ADAMTSL1: variants seen among roughly 807,000 people sequenced by gnomAD.
ADAMTSL1 encodes ADAMTS like 1.
ADAMTSL1 carries 126 observed loss-of-function variants against 201.8 expected under a neutral mutation model. That is an observed-to-expected ratio of 0.62 (90% CI 0.54 to 0.72). The LOEUF (loss-of-function observed/expected upper bound fraction) is 0.72, where lower values mean the gene tolerates loss of function less well. Among genes scored for constraint, ADAMTSL1 ranks in the 30% least tolerant of loss-of-function variants. The probability of loss-of-function intolerance (pLI) is 0.00; values close to 1 mark genes in which losing one functional copy is unlikely to be tolerated. For synonymous variants in ADAMTSL1, 1,121 were observed against 903.4 expected, an observed-to-expected ratio of 1.24 and a Z score of -4.32; for missense variants, 2,679 against 2,277.8, an observed-to-expected ratio of 1.18 and a Z score of -3.59.
chr9:18,353,276 T>TA (rs1836058403), intron 2 of ADAMTSL1, among the ~76,000 whole-genome samples: 1 of 152,236 alleles, frequency 6.6e-6, no homozygotes, highest in Non-Finnish European at 1.5e-5. Context: ...TCATAGCACT[T>TA]ACTATGCACT....
intron 1 of ADAMTSL1, among the ~76,000 whole-genome samples, chr9:18,074,388 G>A (rs1823101457): frequency 6.6e-6 from 1 of 152,150 alleles, no homozygotes. Flanking sequence ...TATGTTGTCT[G>A]TTCTCAGGTG....
At chr9:18,404,835 T>A (rs1818121940) in intron 2 of ADAMTSL1, among the ~76,000 whole-genome samples, 1 of 152,218 alleles carries the variant, frequency 6.6e-6, no homozygotes, top group African/African-American at 2.4e-5. Flanking sequence ...CTCCCTGGAA[T>A]GGAAAACAAT....
intron 1 of ADAMTSL1, among the ~76,000 whole-genome samples, chr9:18,040,253 C>T (rs903135496): frequency 1.3e-5 from 2 of 152,128 alleles, no homozygotes; most frequent in East Asian, 1.9e-4. Context: ...TTTCCCCAAC[C>T]CTTTCTGGAA....
chr9:18,268,806 T>A (rs1832240526), intron 2 of ADAMTSL1, among the ~76,000 whole-genome samples: 1 of 152,264 alleles, frequency 6.6e-6, no homozygotes, highest in Middle Eastern at 3.4e-3. Context: ...ATTCTTGAGA[T>A]TGGAAATAAA....
chr9:18,646,402 C>T (rs1438420986), intron 7 of ADAMTSL1, among the ~76,000 whole-genome samples: 3 of 151,840 alleles, frequency 2.0e-5, no homozygotes, highest in Non-Finnish European at 2.9e-5. Context: ...GCCTAATTGC[C>T]CTGGCCAGAA....
chr9:18,011,017 G>A (rs1586891511), intron 1 of ADAMTSL1, among the ~76,000 whole-genome samples: 1 of 151,684 alleles, frequency 6.6e-6, no homozygotes, highest in Non-Finnish European at 1.5e-5. Context: ...TGGCCCATGT[G>A]GCAAGTGAAA....
chr9:18,590,472 GT>G (rs34570847), intron 4 of ADAMTSL1, among the ~76,000 whole-genome samples: 20,181 of 151,556 alleles, frequency 0.13, 1,467 homozygotes, highest in African/African-American at 0.19. Context: ...TCAACTTTTC[GT>G]TTTGTTGACC....
chr9:18,223,293 G>A (rs10810932), intron 2 of ADAMTSL1, among the ~76,000 whole-genome samples: 32,074 of 151,882 alleles, frequency 0.21, 3,567 homozygotes, highest in Non-Finnish European at 0.26. Flanking sequence ...TGAAATGATC[G>A]ATCATTAAGA....
intron 1 of ADAMTSL1, among the ~76,000 whole-genome samples, chr9:17,911,028 C>T (rs528624824): frequency 7.3e-5 from 5 of 68,456 alleles, no homozygotes; most frequent in Admixed American, 1.8e-4. Context: ...GCTTTTGCTA[C>T]CCAAATGGAA....
At chr9:18,319,738 A>C (rs768256124) in intron 2 of ADAMTSL1, among the ~76,000 whole-genome samples, 1 of 152,164 alleles carries the variant, frequency 6.6e-6, no homozygotes, top group Non-Finnish European at 1.5e-5. Context: ...TCTCACCAGA[A>C]TAGAGTCTAT....
At chr9:18,558,720 G>C (rs924514661) in intron 3 of ADAMTSL1, among the ~76,000 whole-genome samples, 4 of 152,010 alleles carry the variant, frequency 2.6e-5, no homozygotes, top group African/African-American at 7.3e-5. Context: ...GCATGATATG[G>C]TATCTCATTA....
intron 1 of ADAMTSL1, among the ~76,000 whole-genome samples, chr9:17,915,693 C>G (rs1418531537): frequency 6.6e-6 from 1 of 152,218 alleles, no homozygotes; most frequent in African/African-American, 2.4e-5. Context: ...TCCAGTTCCT[C>G]TGCATCCTTG....
intron 2 of ADAMTSL1, among the ~76,000 whole-genome samples, chr9:18,302,172 C>T (rs1003790518): frequency 1.3e-5 from 2 of 152,096 alleles, no homozygotes; most frequent in African/African-American, 4.8e-5. Flanking sequence ...ATTCTTTATG[C>T]CAGAGTGTAG....
At chr9:18,421,473 G>A (rs925109774) in intron 2 of ADAMTSL1, among the ~76,000 whole-genome samples, 1 of 152,134 alleles carries the variant, frequency 6.6e-6, no homozygotes, top group Non-Finnish European at 1.5e-5. Flanking sequence ...ACATAGGACA[G>A]CAAAATTTGT....
At chr9:18,512,833 T>C (rs1818115428) in intron 2 of ADAMTSL1, among the ~76,000 whole-genome samples, 1 of 152,210 alleles carries the variant, frequency 6.6e-6, no homozygotes, top group Non-Finnish European at 1.5e-5. Context: ...TTACAGTGCT[T>C]AGCACACAGC....
At chr9:18,337,240 G>A (rs1214387958) in intron 2 of ADAMTSL1, among the ~76,000 whole-genome samples, 2 of 152,104 alleles carry the variant, frequency 1.3e-5, no homozygotes, top group Non-Finnish European at 1.5e-5. Context: ...CCCCATCGGT[G>A]TAAGACTCTT....
At chr9:18,621,556 C>CCA (rs57351480) in intron 4 of ADAMTSL1, among the ~76,000 whole-genome samples, 8,128 of 143,532 alleles carry the variant, frequency 0.057, 235 homozygotes, top group African/African-American at 0.07. Flanking sequence ...CCGTCCTCTT[C>CCA]CACACACACA....
intron 21 of ADAMTSL1, among the ~76,000 whole-genome samples, chr9:18,817,875 C>T (rs930552054): frequency 7.2e-5 from 11 of 152,014 alleles, no homozygotes; most frequent in Non-Finnish European, 1.5e-4. Context: ...GGAGCTTGCT[C>T]GAATCAGAAG....
chr9:18,023,204 G>C (rs2131587396), intron 1 of ADAMTSL1, among the ~76,000 whole-genome samples: 1 of 152,006 alleles, frequency 6.6e-6, no homozygotes, highest in East Asian at 1.9e-4. Flanking sequence ...TCAAATTGTG[G>C]GCTGCATTAG....
Sources: allele counts gnomAD v4.1 joint callset (sites outside exome capture counted in the v4.1 genomes callset), GRCh38; gene constraint gnomAD v4.1.1; transcripts MANE v1.5; gene names NCBI Gene and HGNC (gene_info 2026-07-23, HGNC 2026-07-21).